The following QKI variants were observed in gnomAD, a reference collection of about 807,000 sequenced individuals.
The protein encoded by QKI is QKI, KH domain containing RNA binding, also known as KH domain-containing RNA-binding protein QKI.
In QKI, 10 loss-of-function variants were observed where a neutral mutation model predicts 39.0. That is an observed-to-expected ratio of 0.26 (90% confidence interval 0.16 to 0.43). The LOEUF (loss-of-function observed/expected upper bound fraction) is 0.43. Ranked by LOEUF, QKI falls within the 20% of genes least tolerant of loss-of-function variation. The pLI is 1.00. For synonymous variants in QKI, 204 were observed against 155.4 expected, an observed-to-expected ratio of 1.31 and a Z score of -2.33; for missense variants, 218 against 428.0, an observed-to-expected ratio of 0.51 and a Z score of 4.33.
At chr6:163,538,199 A>G (rs1231451389) in intron 4 of QKI, among the ~76,000 whole-genome samples, 1 of 152,228 alleles carries the variant, frequency 6.6e-6, no homozygotes, top group Admixed American at 6.5e-5. Flanking sequence ...CCAATAATAA[A>G]TAAAAGCTGA....
At chr6:163,543,544 G>A (rs1488777233) in intron 4 of QKI, among the ~76,000 whole-genome samples, 1 of 152,054 alleles carries the variant, frequency 6.6e-6, no homozygotes, top group Admixed American at 6.6e-5. Context: ...GGGACTGCCT[G>A]TCTGCCAACC....
intron 1 of QKI, among the ~76,000 whole-genome samples, chr6:163,417,623 C>A (rs1373231221): frequency 1.3e-5 from 2 of 152,118 alleles, no homozygotes; most frequent in Non-Finnish European, 2.9e-5. Flanking sequence ...TTATTTCTCT[C>A]TGGTTGGAAA....
At chr6:163,491,408 G>A (rs537725545) in intron 3 of QKI, among the ~76,000 whole-genome samples, 3 of 152,032 alleles carry the variant, frequency 2.0e-5, no homozygotes, top group Non-Finnish European at 4.4e-5. Context: ...GTTTGTTTCA[G>A]GATTGTAAAC....
chr6:163,495,891 T>A (rs1778376633), intron 3 of QKI, among the ~76,000 whole-genome samples: 1 of 152,224 alleles, frequency 6.6e-6, no homozygotes, highest in Admixed American at 6.5e-5. Context: ...TAACTGATCA[T>A]TTGGTTAAAG....
Position 163,415,114 on chromosome 6 carries a change from CG to C in QKI, c.-76del, listed in dbSNP as rs1422965000. ...CGCCGGGTCCCGAGCGGCCCGCGGC[CG>C]GGGCTCGCCCCCGCCCCTCCCTCCT... On this transcript the variant is annotated 5_prime_UTR_variant, in exon 1 of 8. Transcript: ENST00000361752. The C allele has an allele frequency of 1.9e-6, 2 of 1,079,978 alleles. No individual in the cohort carries two copies. Among genetic ancestry groups the C allele is most frequent in the East Asian group, 6.7e-5 (1 of 14,942 alleles). The allele number at this position is 1,079,978 out of a possible 1,614,324, so 66.9% of individuals were successfully genotyped here.
Position 163,462,686 on chromosome 6 carries a change from C to G in QKI, c.285+7265C>G, listed in dbSNP as rs577514857. Among the ~76,000 whole-genome samples the G allele has an allele frequency of 2.6e-5, 4 of 152,200 alleles. No homozygotes were observed. The South Asian group carries it at 8.3e-4, about 32-fold the overall frequency. ...ATATAAAACAGCAAAATTTTGGTATCATTTCTTCATCCTGGAAATGTTTGT... is the reference window on the plus strand; with the variant it reads ...ATATAAAACAGCAAAATTTTGGTATGATTTCTTCATCCTGGAAATGTTTGT... On this transcript the variant is annotated intron_variant, in intron 2 of 7. Transcript: ENST00000361752.
At chr6:163,538,580 G>A (rs994443586) in intron 4 of QKI, among the ~76,000 whole-genome samples, 4 of 152,146 alleles carry the variant, frequency 2.6e-5, no homozygotes, top group African/African-American at 9.7e-5. Context: ...GTTTTAGTCC[G>A]AGATGAGAAG....
In QKI at chr6:163,577,404, A is replaced by C. The variant is rs1200781740; in HGVS notation, c.*6694A>C. 2 of 144,072 alleles carry C rather than the reference A, an allele frequency of 1.4e-5. No homozygotes were observed. Among genetic ancestry groups the C allele is most frequent in the Non-Finnish European group, 2.9e-5 (2 of 67,996 alleles). The allele number at this position is 144,072 out of a possible 1,614,324, so 8.9% of individuals were successfully genotyped here. On this transcript the variant is annotated 3_prime_UTR_variant, in exon 8 of 8. Coordinates refer to ENST00000361752, the MANE Select transcript of QKI (RefSeq NM_006775.3). ...AAGTGGCAACACTAGACTTAAAAAA[A>C]AAAAAGTCTGATTGCCCATATTAGA...
chr6:163,498,415 T>C (rs1369023194), intron 3 of QKI, among the ~76,000 whole-genome samples: 10 of 152,146 alleles, frequency 6.6e-5, no homozygotes, highest in African/African-American at 2.4e-4. Context: ...TGTTTTGAGA[T>C]AATTTTAAAC....
rs1783662920 is a variant in QKI at position 163,570,820 on chromosome 6, A to T, written c.*110A>T. 3.5e-6 allele frequency: 5 copies of T among 1,415,116 alleles called. No individual in the cohort carries two copies. Among genetic ancestry groups the T allele is most frequent in the Non-Finnish European group, 4.8e-6 (5 of 1,040,696 alleles). 87.7% of individuals were successfully genotyped at this position (1,415,116 alleles called of 1,614,324 possible). On this transcript the variant is annotated 3_prime_UTR_variant, in exon 8 of 8. Transcript: ENST00000361752. ...TTGCTTGCCTGTCGTCAGTGCAGCG[A>T]GCTGAGGCACTTGTCCGTTCGTCTT...
At chr6:163,492,053 G>A (rs982229076) in intron 3 of QKI, among the ~76,000 whole-genome samples, 1 of 152,158 alleles carries the variant, frequency 6.6e-6, no homozygotes, top group Non-Finnish European at 1.5e-5. Context: ...TTGTAGTTGT[G>A]TCTTATGTAA....
intron 1 of QKI, among the ~76,000 whole-genome samples, chr6:163,439,635 T>C (rs1022679935): frequency 2.0e-5 from 3 of 150,158 alleles, no homozygotes; most frequent in African/African-American, 7.4e-5. Context: ...ATTACAGGCA[T>C]GAGCCACCGC....
chr6:163,420,743 C>T (rs930318026), intron 1 of QKI, among the ~76,000 whole-genome samples: 1 of 152,072 alleles, frequency 6.6e-6, no homozygotes, highest in Non-Finnish European at 1.5e-5. Context: ...TAGATTATTT[C>T]GTGTTTTACA....
intron 2 of QKI, chr6:163,457,388 T>C (rs758479956): frequency 2.2e-6 from 1 of 456,054 alleles, no homozygotes. Context: ...CAGTTGTGAC[T>C]TCTTGCCACG....
chr6:163,428,000 T>C (rs764993328), intron 1 of QKI, among the ~76,000 whole-genome samples: 5 of 152,350 alleles, frequency 3.3e-5, no homozygotes, highest in African/African-American at 4.8e-5. Flanking sequence ...AAGGAACTTA[T>C]GTTCCAGCAG....
chr6:163,469,850 T>C (rs1039611003), intron 2 of QKI, among the ~76,000 whole-genome samples: 3 of 152,174 alleles, frequency 2.0e-5, no homozygotes, highest in Admixed American at 6.5e-5. Context: ...TTTTCTGTTA[T>C]GTTTCTTTTT....
At chr6:163,528,174 A>G (rs1220542636) in intron 3 of QKI, among the ~76,000 whole-genome samples, 1 of 152,164 alleles carries the variant, frequency 6.6e-6, no homozygotes, top group Non-Finnish European at 1.5e-5. Context: ...AACCAAATCT[A>G]CTAAATAATC....
intron 4 of QKI, among the ~76,000 whole-genome samples, chr6:163,544,479 T>A (rs1781745600): frequency 6.6e-6 from 1 of 152,032 alleles, no homozygotes; most frequent in Non-Finnish European, 1.5e-5. Context: ...GTGTAATGAC[T>A]TTTTAGTGAG....
chr6:163,436,502 A>G (rs1041240975), intron 1 of QKI, among the ~76,000 whole-genome samples: 1 of 152,192 alleles, frequency 6.6e-6, no homozygotes, highest in Non-Finnish European at 1.5e-5. Flanking sequence ...TGAGGTGGTC[A>G]TGAGACTGAA....
Sources: gnomAD v4.1 joint callset for allele counts (sites outside exome capture counted in the v4.1 genomes callset) on GRCh38, gnomAD v4.1.1 for gene constraint, MANE v1.5 for transcripts, NCBI Gene and HGNC (gene_info 2026-07-23, HGNC 2026-07-21) for gene names.